The following PTPRD variants were observed in gnomAD, a reference collection of about 807,000 sequenced individuals.
PTPRD encodes protein tyrosine phosphatase receptor type D, also known as receptor-type tyrosine-protein phosphatase delta.
A neutral mutation model predicts 214.5 loss-of-function variants in PTPRD; 34 were observed. That is an observed-to-expected ratio of 0.16 (90% CI 0.12 to 0.21). The LOEUF is 0.21. Ranked by LOEUF, PTPRD falls within the 10% of genes least tolerant of loss-of-function variation. The pLI, the probability that PTPRD is intolerant of heterozygous loss-of-function variation, is 1.00. For missense variants in PTPRD, 2,545 were observed against 2,398.7 expected (o/e 1.06, Z -1.27); for synonymous variants, 1,128 against 845.7 (o/e 1.33, Z -5.79).
intron 2 of PTPRD, among the ~76,000 whole-genome samples, chr9:10,492,821 C>T (rs76828580): frequency 6.6e-6 from 1 of 152,074 alleles, no homozygotes; most frequent in Non-Finnish European, 1.5e-5. Context: ...CCTAGACTTT[C>T]TTTCAGGGTT....
chr9:9,623,383 T>A (rs1241946306), intron 7 of PTPRD, among the ~76,000 whole-genome samples: 1 of 152,154 alleles, frequency 6.6e-6, no homozygotes, highest in African/African-American at 2.4e-5. Flanking sequence ...GTTTTCACTT[T>A]TAAAAACCCC....
chr9:9,711,888 C>T (rs1285144057), intron 7 of PTPRD, among the ~76,000 whole-genome samples: 3 of 152,132 alleles, frequency 2.0e-5, no homozygotes, highest in African/African-American at 7.2e-5. Flanking sequence ...GATTTCCTAG[C>T]TAAACCACTA....
At chr9:9,775,900 G>A (rs560523434) in intron 5 of PTPRD, among the ~76,000 whole-genome samples, 1 of 127,516 alleles carries the variant, frequency 7.8e-6, no homozygotes. Context: ...AGCTTGCAGT[G>A]AGCCAAGATC....
rs201313883 is a variant in PTPRD at position 9,259,333 on chromosome 9, A to AGGG, written c.-202-75973_-202-75971dup. Among the ~76,000 whole-genome samples the AGGG allele has an allele frequency of 4.4e-3, 669 of 152,050 alleles. 3 individuals carry two copies. The highest frequency in any genetic ancestry group is 6.7e-3 in the Non-Finnish European group (454 of 67,916). ...AAAGATATCTGCTACACAAAAATAC[A>AGGG]GGGCAGACAGACTATAAAACTATGG... is the stretch of plus-strand genomic sequence containing the variant. On this transcript the variant is annotated intron_variant, in intron 9 of 45. Transcript: ENST00000381196.
At chr9:8,560,466 CACACACAT>C (rs1007056960) in intron 14 of PTPRD, among the ~76,000 whole-genome samples, 32 of 139,050 alleles carry the variant, frequency 2.3e-4, no homozygotes, top group African/African-American at 7.5e-4. Context: ...CACACACACA[CACACACAT>C]ATATACACTG....
At chr9:9,718,557 C>T (rs1200096539) in intron 7 of PTPRD, among the ~76,000 whole-genome samples, 1 of 152,220 alleles carries the variant, frequency 6.6e-6, no homozygotes, top group Non-Finnish European at 1.5e-5. Flanking sequence ...TCCCTGTGCT[C>T]TCAGAGACCC....
At chr9:9,548,995 A>G (rs1415047203) in intron 8 of PTPRD, among the ~76,000 whole-genome samples, 2 of 152,138 alleles carry the variant, frequency 1.3e-5, no homozygotes, top group Non-Finnish European at 1.5e-5. Flanking sequence ...AACCTTCTCA[A>G]ACAATGTAAC....
At chr9:8,412,049 G>C (rs900664726) in intron 35 of PTPRD, among the ~76,000 whole-genome samples, 1 of 152,124 alleles carries the variant, frequency 6.6e-6, no homozygotes, top group Non-Finnish European at 1.5e-5. Flanking sequence ...ATGTAATTAC[G>C]ATGACTTATA....
At chr9:10,032,842 T>C (rs1193173595) in intron 4 of PTPRD, among the ~76,000 whole-genome samples, 1 of 151,254 alleles carries the variant, frequency 6.6e-6, no homozygotes, top group Non-Finnish European at 1.5e-5. Context: ...ATGCAATTTA[T>C]ATTTTTTTAC....
chr9:8,635,773 G>A (rs999613636), intron 13 of PTPRD, among the ~76,000 whole-genome samples: 1 of 152,054 alleles, frequency 6.6e-6, no homozygotes, highest in Non-Finnish European at 1.5e-5. Context: ...GGTATTGGTA[G>A]CCCCTAAAAT....
chr9:10,354,329 T>C (rs952603982), intron 2 of PTPRD, among the ~76,000 whole-genome samples: 1 of 152,166 alleles, frequency 6.6e-6, no homozygotes, highest in Non-Finnish European at 1.5e-5. Flanking sequence ...ATATCAAATA[T>C]TGATAGACAT....
rs1398379649 is a variant in PTPRD, at chr9:10,051,229, AAAG to A, written c.-544-17442_-544-17440del. On this transcript the variant is annotated intron_variant, in intron 3 of 45. Transcript: ENST00000381196. ...AAAAGAATATCCATAATTTTGAAGA[AAAG>A]AGTTGTTTCGGGAAAACATGACTTA... Among the ~76,000 whole-genome samples the A allele has an allele frequency of 2.6e-5, 4 of 152,150 alleles. No homozygotes were observed. In the South Asian group the frequency reaches 6.2e-4, roughly 24 times the overall value.
chr9:8,737,799 C>T (rs569261118), intron 11 of PTPRD, among the ~76,000 whole-genome samples: 5 of 152,170 alleles, frequency 3.3e-5, no homozygotes, highest in African/African-American at 7.2e-5. Context: ...TACAGGTGTG[C>T]GCCACCACGC....
chr9:9,188,808 TTGTG>T (rs5896310), intron 9 of PTPRD, among the ~76,000 whole-genome samples: 89,143 of 148,226 alleles, frequency 0.6, 26,946 homozygotes, highest in South Asian at 0.66. Flanking sequence ...GCAAAATAAA[TTGTG>T]TGTGTGTGTG....
intron 11 of PTPRD, among the ~76,000 whole-genome samples, chr9:8,837,436 T>G (rs2097454560): frequency 6.6e-6 from 1 of 152,232 alleles, no homozygotes; most frequent in Non-Finnish European, 1.5e-5. Context: ...AAACTAAATT[T>G]TAATTAAAGT....
chr9:9,267,166 T>C (rs946934944), intron 9 of PTPRD, among the ~76,000 whole-genome samples: 1 of 151,296 alleles, frequency 6.6e-6, no homozygotes, highest in African/African-American at 2.4e-5. Flanking sequence ...TGTACAATTA[T>C]TATTTATCAG....
chr9:9,842,914 G>T (rs2153641456), intron 5 of PTPRD, among the ~76,000 whole-genome samples: 1 of 152,086 alleles, frequency 6.6e-6, no homozygotes, highest in Admixed American at 6.6e-5. Context: ...TAATGTATCA[G>T]GGTACTCATG....
At chr9:9,561,842 C>T (rs1337237854) in intron 8 of PTPRD, among the ~76,000 whole-genome samples, 1 of 152,164 alleles carries the variant, frequency 6.6e-6, no homozygotes, top group Admixed American at 6.5e-5. Flanking sequence ...CTTCTCCTTC[C>T]AAGCTCTTAT....
At chr9:8,790,330 AT>A (rs1294973707) in intron 11 of PTPRD, among the ~76,000 whole-genome samples, 3 of 152,128 alleles carry the variant, frequency 2.0e-5, no homozygotes, top group East Asian at 1.9e-4. Flanking sequence ...TTATAAAAAA[AT>A]AAATAAATTT....
Sources: allele counts gnomAD v4.1 joint callset (sites outside exome capture counted in the v4.1 genomes callset), GRCh38; gene constraint gnomAD v4.1.1; transcripts MANE v1.5; gene names NCBI Gene and HGNC (gene_info 2026-07-23, HGNC 2026-07-21).